SLC22A23: variants seen among roughly 807,000 people sequenced by gnomAD.
The protein encoded by SLC22A23 is ion transporter protein.
In SLC22A23, 26 loss-of-function variants were observed where a neutral mutation model predicts 61.0. That is an observed-to-expected ratio of 0.43 (90% CI 0.31 to 0.59). The LOEUF is 0.59. Among genes scored for constraint, SLC22A23 ranks in the 20% least tolerant of loss-of-function variants. The probability of loss-of-function intolerance (pLI) is 0.11; values close to 1 mark genes in which losing one functional copy is unlikely to be tolerated. For missense variants in SLC22A23, 796 were observed against 934.7 expected, an observed-to-expected ratio of 0.85 and a Z score of 1.94; for synonymous variants, 430 against 413.9, an observed-to-expected ratio of 1.04 and a Z score of -0.47.
In SLC22A23 at chr6:3,455,859, G is replaced by T. The variant is rs945141787; in HGVS notation, c.654+47C>A. 5.5e-6 allele frequency: 8 copies of T among 1,456,818 alleles called. No individual in the cohort carries two copies. In the East Asian group the frequency reaches 1.7e-4, roughly 32 times the overall value. The allele number at this position is 1,456,818 out of a possible 1,614,324, so 90.2% of individuals were successfully genotyped here. On this transcript the variant is annotated intron_variant, in intron 1 of 9. Coordinates refer to ENST00000406686, the MANE Select transcript of SLC22A23 (RefSeq NM_015482.2). The stretch of plus-strand genomic sequence containing the variant: ...TCCCGCTGGCTCGGGCTTGGACCTC[G>T]GTCTGCAGGGAGAGGGTTGGAGGGA...
chr6:3,310,301 TCTCCCACTCAAGCACCCTGC>T (rs1293281516), intron 4 of SLC22A23, among the ~76,000 whole-genome samples: 4 of 134,558 alleles, frequency 3.0e-5, no homozygotes, highest in African/African-American at 9.1e-5. Flanking sequence ...GAGCACCCTG[TCTCCCACTCAAGCACCCTGC>T]CTCCCACTCG....
At chr6:3,413,262 C>T (rs1231188569) in intron 2 of SLC22A23, among the ~76,000 whole-genome samples, 1 of 152,222 alleles carries the variant, frequency 6.6e-6, no homozygotes, top group Non-Finnish European at 1.5e-5. Flanking sequence ...GAAAGAGGTG[C>T]TGTGTGGAGG....
chr6:3,349,218 GCCTGC>G, intron 3 of SLC22A23, among the ~76,000 whole-genome samples: 1 of 152,316 alleles, frequency 6.6e-6, no homozygotes, highest in South Asian at 2.1e-4. Flanking sequence ...CCTCGAGGAA[GCCTGC>G]CCTAGCCACC....
In SLC22A23 at chr6:3,286,911, G is replaced by A. The variant is rs1465121412; in HGVS notation, c.1494C>T (p.Leu498=). 6.2e-7 allele frequency: 1 copy of A among 1,613,220 alleles called. No homozygotes were observed. Among genetic ancestry groups the A allele is most frequent in the Non-Finnish European group, 8.5e-7 (1 of 1,179,756 alleles). The part of the protein sequence containing the change: ...RFLGRRGGLL[L]FMILTALASL... ...AGGCCAGGGCGGTGAGGATCATGAA[G>A]AGCAGCAGCCCTCCCCTGCGCCCGA... is the stretch of plus-strand genomic sequence containing the variant. The change falls in exon 7 of 10, where the codon CTC becomes CTT. Residue 498 remains leucine (L), a synonymous_variant. Transcript: ENST00000406686. The surrounding 1 kb of genome is among the most constrained non-coding windows in gnomAD (Gnocchi z 4.2).
chr6:3,429,285 T>C (rs1770703393), intron 1 of SLC22A23, among the ~76,000 whole-genome samples: 1 of 152,324 alleles, frequency 6.6e-6, no homozygotes, highest in African/African-American at 2.4e-5. Flanking sequence ...AAATAACTAT[T>C]TTCCTGTCTT....
At chr6:3,446,998 C>A (rs1315314046) in intron 1 of SLC22A23, among the ~76,000 whole-genome samples, 1 of 151,400 alleles carries the variant, frequency 6.6e-6, no homozygotes. Context: ...GCCTCCCCTC[C>A]CCACCACGCG....
At chr6:3,357,056 CAAAAAAAAAAAAAA>C (rs66509026) in intron 3 of SLC22A23, among the ~76,000 whole-genome samples, 20 of 86,060 alleles carry the variant, frequency 2.3e-4, no homozygotes, top group Admixed American at 5.5e-4. Context: ...AAAACAGAGC[CAAAAAAAAAAAAAA>C]AAAAAAAAAA....
At chr6:3,368,743 G>A (rs566984077) in intron 3 of SLC22A23, among the ~76,000 whole-genome samples, 17 of 152,326 alleles carry the variant, frequency 1.1e-4, no homozygotes, top group African/African-American at 4.1e-4. Context: ...AGAACAGTAT[G>A]AGTGAGGAAA....
intron 3 of SLC22A23, among the ~76,000 whole-genome samples, chr6:3,408,862 A>G (rs1173121000): frequency 6.6e-6 from 1 of 152,222 alleles, no homozygotes; most frequent in Non-Finnish European, 1.5e-5. Flanking sequence ...AAGCCTGACA[A>G]GGACGGCTGC....
intron 6 of SLC22A23, among the ~76,000 whole-genome samples, chr6:3,287,951 T>C (rs1760202880): frequency 6.6e-6 from 1 of 152,140 alleles, no homozygotes; most frequent in Admixed American, 6.5e-5. Flanking sequence ...TCCCAAAGTG[T>C]TGGGATTACA....
At chr6:3,405,662 TA>T (rs1282205371) in intron 3 of SLC22A23, among the ~76,000 whole-genome samples, 1 of 152,026 alleles carries the variant, frequency 6.6e-6, no homozygotes, top group Non-Finnish European at 1.5e-5. Context: ...TGCTGATGCT[TA>T]AAGATCCTGT....
chr6:3,451,560 G>GTTTT (rs1178797691), intron 1 of SLC22A23, among the ~76,000 whole-genome samples: 1 of 152,112 alleles, frequency 6.6e-6, no homozygotes, highest in African/African-American at 2.4e-5. Context: ...GTTTTGTTTT[G>GTTTT]TTTTGTTTTA....
intron 4 of SLC22A23, among the ~76,000 whole-genome samples, chr6:3,311,156 T>A (rs184632645): frequency 1.3e-5 from 2 of 152,286 alleles, no homozygotes; most frequent in African/African-American, 4.8e-5. Context: ...TGTAAATTAA[T>A]AAATGCCTAA....
Position 3,269,784 on chromosome 6 carries a change from C to T in SLC22A23, c.*3271G>A, listed in dbSNP as rs1758359403. 1 of 152,874 alleles carries T rather than the reference C, an allele frequency of 6.5e-6. No individual in the cohort carries two copies. The highest frequency in any genetic ancestry group is 6.5e-5 in the Admixed American group (1 of 15,292). 9.5% of individuals were successfully genotyped at this position (152,874 alleles called of 1,614,324 possible). On this transcript the variant is annotated 3_prime_UTR_variant, in exon 10 of 10. Coordinates refer to ENST00000406686, the MANE Select transcript of SLC22A23 (RefSeq NM_015482.2). Reference sequence around the variant, plus strand: ...AGCTGTAGTGTGGACCTCCCCCGCACATGCGATACCTCGGGCCGGGCGGTG... The same window carrying T: ...AGCTGTAGTGTGGACCTCCCCCGCATATGCGATACCTCGGGCCGGGCGGTG...
At chr6:3,314,842 C>G (rs1022851127) in intron 4 of SLC22A23, among the ~76,000 whole-genome samples, 1 of 152,176 alleles carries the variant, frequency 6.6e-6, no homozygotes, top group Non-Finnish European at 1.5e-5. Context: ...CACAATCTCA[C>G]GTCCTCCGCG....
intron 3 of SLC22A23, among the ~76,000 whole-genome samples, chr6:3,343,686 T>G (rs1764274209): frequency 6.6e-6 from 1 of 152,230 alleles, no homozygotes; most frequent in Non-Finnish European, 1.5e-5. Flanking sequence ...TAGGTCGCTC[T>G]TGAATTGCCC....
At chr6:3,316,702 A>G (rs936042240) in intron 4 of SLC22A23, among the ~76,000 whole-genome samples, 1 of 152,154 alleles carries the variant, frequency 6.6e-6, no homozygotes, top group East Asian at 1.9e-4. Context: ...AAGTGGTGCA[A>G]TCATAGTTCA....
chr6:3,387,647 A>G lies in SLC22A23; in HGVS notation c.913+22541T>C, dbSNP rs1320904037. On this transcript the variant is annotated intron_variant, in intron 3 of 9. Coordinates refer to ENST00000406686, the MANE Select transcript of SLC22A23 (RefSeq NM_015482.2). The surrounding 1 kb of genome is among the most constrained non-coding windows in gnomAD (Gnocchi z 5.0). ...CACGTTAGCGGAAGGCGGGTGAGTG[A>G]AGGGCTTACAGAAAATCTCTGTACT... Among the ~76,000 whole-genome samples the G allele has an allele frequency of 6.6e-6, 1 of 152,246 alleles. No homozygotes were observed. The highest frequency in any genetic ancestry group is 6.5e-5 in the Admixed American group (1 of 15,290).
At position 3,414,772 on chromosome 6, in the gene SLC22A23, G is replaced by C. The variant is rs150926812; in HGVS notation, c.758+980C>G. Among the ~76,000 whole-genome samples the C allele has an allele frequency of 2.4e-3, 368 of 150,752 alleles. 1 individual carries two copies. The highest frequency in any genetic ancestry group is 0.01 in the Middle Eastern group (3 of 286). The stretch of plus-strand genomic sequence containing the variant: ...CTTTAAAGATAAAAGAATGTAAGCT[G>C]GGGAGACAGTTACACTACGCCTCTC... On this transcript the variant is annotated intron_variant, in intron 2 of 9. Coordinates refer to ENST00000406686, the MANE Select transcript of SLC22A23 (RefSeq NM_015482.2). This position sits in a 1 kb window ranked among gnomAD's most constrained non-coding sequence, Gnocchi z 5.1.
Sources: allele counts gnomAD v4.1 joint callset (sites outside exome capture counted in the v4.1 genomes callset), GRCh38; gene constraint gnomAD v4.1.1; non-coding constraint Gnocchi (gnomAD v3.1); transcripts MANE v1.5; gene names NCBI Gene and HGNC (gene_info 2026-07-23, HGNC 2026-07-21).